DTWD1: variants seen among roughly 807,000 people sequenced by gnomAD.
DTWD1 encodes tRNA-uridine aminocarboxypropyltransferase 1.
A neutral mutation model predicts 30.2 loss-of-function variants in DTWD1; 27 were observed. That is an observed-to-expected ratio of 0.90 (90% CI 0.66 to 1.23). The LOEUF is 1.23. Ranked by LOEUF, DTWD1 falls within the 50% of genes most tolerant of loss-of-function variation. DTWD1 has a pLI of 0.00. For missense variants in DTWD1, 342 were observed against 348.8 expected (o/e 0.98, Z 0.15); for synonymous variants, 99 against 113.1 (o/e 0.88, Z 0.79).
intron 1 of DTWD1, among the ~76,000 whole-genome samples, chr15:49,622,786 A>G (rs779534174): frequency 7.2e-5 from 11 of 152,162 alleles, no homozygotes; most frequent in Non-Finnish European, 1.2e-4. Context: ...ATGATTTACA[A>G]TTGCTGGCCT....
rs2079117674 is a variant in DTWD1, at chr15:49,646,241, CAT to C, written c.*2664_*2665del. The C allele has an allele frequency of 6.6e-6, 1 of 152,220 alleles. No homozygotes were observed. The highest frequency in any genetic ancestry group is 2.4e-5 in the African/African-American group (1 of 41,466). The allele number at this position is 152,220 out of a possible 1,614,324, so 9.4% of individuals were successfully genotyped here. A position where few individuals can be genotyped will look rare whatever the true frequency, so the allele number is the denominator to read the frequency against. ...TAACTGACACCTACCTGATTCCAAA[CAT>C]GTGAGCAAGGAATGTCTATTATGCC... On this transcript the variant is annotated 3_prime_UTR_variant, in exon 5 of 5. Coordinates refer to ENST00000403028, the MANE Select transcript of DTWD1 (RefSeq NM_001144955.2).
rs1002492499 is a variant in DTWD1, at chr15:49,647,368, C to G, written c.*3790C>G. The G allele has an allele frequency of 2.6e-5, 4 of 152,084 alleles. No individual in the cohort carries two copies. The highest frequency in any genetic ancestry group is 1.5e-5 in the Non-Finnish European group (1 of 68,006). 9.4% of individuals were successfully genotyped at this position (152,084 alleles called of 1,614,324 possible). A position where few individuals can be genotyped will look rare whatever the true frequency, so the allele number is the denominator to read the frequency against. ...TGAGAAACAATTTTATTTTCTAGTT[C>G]TGCATATCCTAGGTTATGTATTTCA... On this transcript the variant is annotated 3_prime_UTR_variant, in exon 5 of 5. Transcript: ENST00000403028.
At chr15:49,638,407 A>G (rs1271477498) in intron 4 of DTWD1, among the ~76,000 whole-genome samples, 1 of 152,204 alleles carries the variant, frequency 6.6e-6, no homozygotes. Context: ...TTAAAATCAT[A>G]AAAGGAACAG....
intron 2 of DTWD1, among the ~76,000 whole-genome samples, chr15:49,627,703 A>T (rs1401953381): frequency 6.6e-6 from 1 of 152,204 alleles, no homozygotes; most frequent in East Asian, 1.9e-4. Context: ...AAACAAATAT[A>T]AGCATAGAAA....
rs1455695684 is a variant in DTWD1 at position 49,650,191 on chromosome 15, A to G, written c.*6613A>G. 7 of 152,124 alleles carry G rather than the reference A, an allele frequency of 4.6e-5. No individual in the cohort carries two copies. Among genetic ancestry groups the G allele is most frequent in the Non-Finnish European group, 8.8e-5 (6 of 68,014 alleles). The allele number at this position is 152,124 out of a possible 1,614,324, so 9.4% of individuals were successfully genotyped here. ...TGTGGGAGGGAAAAAATGATAGAAG[A>G]TGACATCATAGGGAGTAATGGTGTG... is the stretch of plus-strand genomic sequence containing the variant. On this transcript the variant is annotated 3_prime_UTR_variant, in exon 5 of 5. Transcript: ENST00000403028.
At position 49,655,349 on chromosome 15, in the gene DTWD1, T is replaced by C. The variant is rs549386031; in HGVS notation, c.*11771T>C. 6.6e-6 allele frequency: 1 copy of C among 152,170 alleles called. No homozygotes were observed. Among genetic ancestry groups the C allele is most frequent in the South Asian group, 2.1e-4 (1 of 4,826 alleles). 9.4% of individuals were successfully genotyped at this position (152,170 alleles called of 1,614,324 possible). A position where few individuals can be genotyped will look rare whatever the true frequency, so the allele number is the denominator to read the frequency against. On this transcript the variant is annotated 3_prime_UTR_variant, in exon 5 of 5. Coordinates refer to ENST00000403028, the MANE Select transcript of DTWD1 (RefSeq NM_001144955.2). Reference sequence around the variant, plus strand: ...ATTGATAACTGATACAACAGTCTTTTCGTTAGTAGAAGAGGGGGTAAGAAA... The same window carrying C: ...ATTGATAACTGATACAACAGTCTTTCCGTTAGTAGAAGAGGGGGTAAGAAA...
At position 49,648,105 on chromosome 15, in the gene DTWD1, T is replaced by C. The variant is rs2079131594; in HGVS notation, c.*4527T>C. 1 of 152,140 alleles carries C rather than the reference T, an allele frequency of 6.6e-6. No individual in the cohort carries two copies. The highest frequency in any genetic ancestry group is 2.4e-5 in the African/African-American group (1 of 41,438). 9.4% of individuals were successfully genotyped at this position (152,140 alleles called of 1,614,324 possible). A position where few individuals can be genotyped will look rare whatever the true frequency, so the allele number is the denominator to read the frequency against. ...TAGAGCTTGTAACAGCTATTACCCT[T>C]GGTTGTAAAGGAGAAGGTTGGAGAT... On this transcript the variant is annotated 3_prime_UTR_variant, in exon 5 of 5. Transcript: ENST00000403028.
At chr15:49,628,474 C>G (rs140637845) in intron 2 of DTWD1, among the ~76,000 whole-genome samples, 94 of 152,284 alleles carry the variant, frequency 6.2e-4, no homozygotes, top group African/African-American at 2.0e-3. Flanking sequence ...AGCATCATCA[C>G]AAGCATATAA....
At chr15:49,626,804 G>A (rs543476709) in intron 2 of DTWD1, 1 of 433,846 alleles carries the variant, frequency 2.3e-6, no homozygotes, top group Admixed American at 2.4e-5. Flanking sequence ...CACATGTATA[G>A]GCTAATGGAA....
At position 49,637,272 on chromosome 15, in the gene DTWD1, T is replaced by A. The variant is rs539652293; in HGVS notation, c.667+2478T>A. Among the ~76,000 whole-genome samples the A allele has an allele frequency of 5.9e-5, 9 of 152,290 alleles. No individual in the cohort carries two copies. In the South Asian group the frequency reaches 1.2e-3, roughly 21 times the overall value. On this transcript the variant is annotated intron_variant, in intron 4 of 4. Transcript: ENST00000403028. ...TGCTAATCTTTTTGATAATAATCTTTTTGATGCTCTAGTTCTCTCAAATTT... is the reference window on the plus strand; with the variant it reads ...TGCTAATCTTTTTGATAATAATCTTATTGATGCTCTAGTTCTCTCAAATTT...
intron 4 of DTWD1, 127 bp from the exon 5 acceptor site, chr15:49,643,204 C>A (rs1170827660): frequency 1.8e-6 from 2 of 1,102,912 alleles, no homozygotes; most frequent in Non-Finnish European, 2.4e-6. Context: ...AAGTTATCTG[C>A]AGTCTTTAAA....
chr15:49,635,186 C>G (rs759327693), intron 4 of DTWD1, among the ~76,000 whole-genome samples: 138 of 152,016 alleles, frequency 9.1e-4, no homozygotes, highest in Non-Finnish European at 1.6e-3. Flanking sequence ...AGGCGCCCAC[C>G]ACCACACCTG....
chr15:49,643,329 A>G lies in DTWD1; in HGVS notation c.668-2A>G, dbSNP rs1598669878. 7.4e-7 allele frequency: 1 copy of G among 1,353,292 alleles called. No individual in the cohort carries two copies. The highest frequency in any genetic ancestry group is 9.5e-7 in the Non-Finnish European group (1 of 1,048,820). 83.8% of individuals were successfully genotyped at this position (1,353,292 alleles called of 1,614,324 possible). On this transcript the variant is annotated splice_acceptor_variant, in intron 4 of 4. Transcript: ENST00000403028. LOFTEE classifies it high-confidence loss of function. ...TTCTTTTTTTTTTTTTTTTTTTGAC[A>G]GGGTTGTTACAAGTTGAGTTGAAAA...
At position 49,644,824 on chromosome 15, in the gene DTWD1, A is replaced by G. The variant is rs1172716507; in HGVS notation, c.*1246A>G. The stretch of plus-strand genomic sequence containing the variant: ...ATTACTAGCCCCAGTATAGTTCACT[A>G]CAACTTGTTGCTTTACCTAAACCCT... On this transcript the variant is annotated 3_prime_UTR_variant, in exon 5 of 5. Transcript: ENST00000403028. 6.6e-6 allele frequency: 1 copy of G among 152,166 alleles called. No homozygotes were observed. Among genetic ancestry groups the G allele is most frequent in the African/African-American group, 2.4e-5 (1 of 41,450 alleles). The allele number at this position is 152,166 out of a possible 1,614,324, so 9.4% of individuals were successfully genotyped here.
intron 4 of DTWD1, among the ~76,000 whole-genome samples, chr15:49,638,194 A>G (rs914915696): frequency 1.3e-5 from 2 of 152,232 alleles, no homozygotes; most frequent in African/African-American, 4.8e-5. Flanking sequence ...ATGAAAAAAC[A>G]TAAGTAAAAA....
chr15:49,639,815 T>C (rs1297795351), intron 4 of DTWD1, among the ~76,000 whole-genome samples: 1 of 152,178 alleles, frequency 6.6e-6, no homozygotes, highest in African/African-American at 2.4e-5. Flanking sequence ...TTTAAGCTTG[T>C]CATTGACATG....
intron 1 of DTWD1, 71 bp downstream of exon 1, chr15:49,621,193 G>A (rs1333047340): frequency 1.3e-5 from 2 of 152,254 alleles, no homozygotes; most frequent in Non-Finnish European, 2.9e-5. Context: ...TGGCCCCAGA[G>A]GTGCGGCCGC....
At chr15:49,632,003 A>C (rs1246810646) in intron 2 of DTWD1, 156 bp from the exon 3 acceptor site, 3 of 794,552 alleles carry the variant, frequency 3.8e-6, no homozygotes, top group Non-Finnish European at 6.2e-6. Flanking sequence ...GTTTTGTAAC[A>C]ATCACCATTC....
chr15:49,642,070 A>G (rs762763426), intron 4 of DTWD1, among the ~76,000 whole-genome samples: 3 of 151,974 alleles, frequency 2.0e-5, no homozygotes, highest in Non-Finnish European at 4.4e-5. Flanking sequence ...CCTGTTAGTC[A>G]TTTGATCCTC....
Sources: gnomAD v4.1 joint callset for allele counts (sites outside exome capture counted in the v4.1 genomes callset) on GRCh38, gnomAD v4.1.1 for gene constraint, MANE v1.5 for transcripts, NCBI Gene and HGNC (gene_info 2026-07-23, HGNC 2026-07-21) for gene names.